Variants in MSRA observed in about 807,000 individuals in gnomAD.
MSRA encodes the protein methionine sulfoxide reductase A.
Under a neutral mutation model 31.3 loss-of-function variants are expected in MSRA, and 54 were observed. The observed-to-expected ratio is 1.73, with a 90% CI of 1.39 to 2.17. The LOEUF (loss-of-function observed/expected upper bound fraction) is 2.17. MSRA is among the 30% of genes most tolerant of loss of function. The pLI is 0.00. For synonymous variants in MSRA, 169 were observed against 116.5 expected (o/e 1.45, Z -2.90); for missense variants, 507 against 300.9 (o/e 1.69, Z -5.07).
intron 2 of MSRA, among the ~76,000 whole-genome samples, chr8:10,210,342 C>T (rs1809368723): frequency 1.3e-5 from 2 of 152,202 alleles, no homozygotes; most frequent in South Asian, 2.1e-4. Context: ...GTGATGTTCC[C>T]TGACTCTCTC....
intron 3 of MSRA, among the ~76,000 whole-genome samples, chr8:10,283,702 C>A (rs1471614061): frequency 1.3e-5 from 2 of 149,488 alleles, no homozygotes; most frequent in African/African-American, 4.9e-5. Flanking sequence ...TTTTTTTTTC[C>A]ATTCCTGAGT....
At chr8:10,205,314 G>A (rs188746355) in intron 1 of MSRA, among the ~76,000 whole-genome samples, 2 of 152,084 alleles carry the variant, frequency 1.3e-5, no homozygotes, top group East Asian at 1.9e-4. Context: ...GAAGTGAGGG[G>A]GATGCTACAG....
intron 1 of MSRA, among the ~76,000 whole-genome samples, chr8:10,138,148 T>C (rs987820171): frequency 6.6e-6 from 1 of 152,086 alleles, no homozygotes; most frequent in Non-Finnish European, 1.5e-5. Flanking sequence ...GGGTGGTAAA[T>C]TGGAGAATGT....
At chr8:10,401,033 A>G (rs1429359975) in intron 5 of MSRA, among the ~76,000 whole-genome samples, 2 of 152,230 alleles carry the variant, frequency 1.3e-5, no homozygotes, top group South Asian at 4.1e-4. Context: ...CACAGACAAC[A>G]CAAGAAAAAA....
intron 3 of MSRA, among the ~76,000 whole-genome samples, chr8:10,283,765 T>C (rs968654868): frequency 1.4e-5 from 2 of 143,232 alleles, no homozygotes; most frequent in African/African-American, 2.6e-5. Flanking sequence ...TGAATGCCAT[T>C]AATTGATTCC....
chr8:10,306,776 C>T (rs1365067697), intron 4 of MSRA, among the ~76,000 whole-genome samples: 1 of 152,078 alleles, frequency 6.6e-6, no homozygotes, highest in Admixed American at 6.5e-5. Flanking sequence ...CTGAGTGCCT[C>T]GAGCCAAGCC....
At chr8:10,266,055 T>A (rs1798732373) in intron 3 of MSRA, among the ~76,000 whole-genome samples, 1 of 152,256 alleles carries the variant, frequency 6.6e-6, no homozygotes, top group Non-Finnish European at 1.5e-5. Context: ...CCATCAATAT[T>A]CATGTACCAG....
intron 1 of MSRA, among the ~76,000 whole-genome samples, chr8:10,139,201 G>A (rs1440114875): frequency 3.3e-5 from 5 of 152,194 alleles, no homozygotes; most frequent in African/African-American, 7.2e-5. Context: ...ATCTGAGAAT[G>A]TTATGATGTA....
chr8:10,405,133 T>G (rs1807722794), intron 5 of MSRA, among the ~76,000 whole-genome samples: 1 of 152,158 alleles, frequency 6.6e-6, no homozygotes, highest in South Asian at 2.1e-4. Context: ...GCCTGTTCTC[T>G]TCACAAAATA....
At position 10,328,054 on chromosome 8, in the gene MSRA, G is replaced by GTTTTTT. The variant is rs1563356091; in HGVS notation, c.543+8066_543+8067insTTTTTT. 5.6e-3 allele frequency among the ~76,000 whole-genome samples: 327 copies of GTTTTTT among 58,890 alleles called. 1 individual carries two copies. The highest frequency in any genetic ancestry group is 0.014 in the African/African-American group (160 of 11,220). The allele number at this position is 58,890 out of a possible 152,430, so 38.6% of individuals were successfully genotyped here. A position where few individuals can be genotyped will look rare whatever the true frequency, so the allele number is the denominator to read the frequency against. ...TTTTTTTTTTTTTTTTTTTTTTTTA[G>GTTTTTT]TATCAGTGACACTCTGAGTGTAAAT... On this transcript the variant is annotated intron_variant, in intron 5 of 5. Transcript: ENST00000317173.
chr8:10,396,492 C>T (rs760652214), intron 5 of MSRA, among the ~76,000 whole-genome samples: 13 of 152,178 alleles, frequency 8.5e-5, no homozygotes, highest in Admixed American at 6.5e-5. Flanking sequence ...TTTGAAGATT[C>T]TGCACTGAGA....
At chr8:10,267,521 C>T (rs966450532) in intron 3 of MSRA, among the ~76,000 whole-genome samples, 1 of 152,162 alleles carries the variant, frequency 6.6e-6, no homozygotes, top group East Asian at 1.9e-4. Context: ...AGTCTCCACA[C>T]CACAGTTATC....
intron 1 of MSRA, among the ~76,000 whole-genome samples, chr8:10,196,823 C>T (rs373616589): frequency 6.6e-6 from 1 of 152,038 alleles, no homozygotes; most frequent in Non-Finnish European, 1.5e-5. Flanking sequence ...CCGTCCACCT[C>T]GGCCTCCCAA....
At chr8:10,337,673 T>C (rs999968275) in intron 5 of MSRA, 1 of 697,632 alleles carries the variant, frequency 1.4e-6, no homozygotes, top group Non-Finnish European at 2.6e-6. Context: ...TGAATGATTT[T>C]TCATCTTGAA....
chr8:10,280,405 G>A (rs1161632239), intron 3 of MSRA, among the ~76,000 whole-genome samples: 1 of 151,784 alleles, frequency 6.6e-6, no homozygotes, highest in Admixed American at 6.6e-5. Flanking sequence ...TATCCCAATC[G>A]TTTTGATAGT....
chr8:10,236,485 A>G (rs1487707901), intron 2 of MSRA, among the ~76,000 whole-genome samples: 1 of 152,230 alleles, frequency 6.6e-6, no homozygotes, highest in Non-Finnish European at 1.5e-5. Context: ...TAGAAAAAAC[A>G]GTATTTATAA....
chr8:10,081,087 C>T (rs888602528), intron 1 of MSRA, among the ~76,000 whole-genome samples: 6 of 152,186 alleles, frequency 3.9e-5, no homozygotes, highest in African/African-American at 1.2e-4. Context: ...GGCCACAGGC[C>T]AAGCCAACAC....
chr8:10,387,552 C>T (rs545485316), intron 5 of MSRA, among the ~76,000 whole-genome samples: 2 of 152,190 alleles, frequency 1.3e-5, no homozygotes, highest in Admixed American at 1.3e-4. Context: ...ATGAATGAGC[C>T]CAAAGAACAG....
At chr8:10,118,317 G>A (rs1800833090) in intron 1 of MSRA, among the ~76,000 whole-genome samples, 1 of 152,154 alleles carries the variant, frequency 6.6e-6, no homozygotes. Flanking sequence ...TTAGCTGCGT[G>A]CAGTGAACCA....
Sources: gnomAD v4.1 joint callset for allele counts (sites outside exome capture counted in the v4.1 genomes callset) on GRCh38, gnomAD v4.1.1 for gene constraint, MANE v1.5 for transcripts, NCBI Gene and HGNC (gene_info 2026-07-23, HGNC 2026-07-21) for gene names.